Variants in CHLSN observed in about 807,000 individuals in gnomAD.
The protein encoded by CHLSN is cholesin, also known as protein cholesin.
chr7:1,136,174 A>G, the CHLSN span, among the ~76,000 whole-genome samples: 1 of 111,258 alleles, frequency 9.0e-6, no homozygotes, highest in Non-Finnish European at 1.6e-5. Context: ...ATATGTATAA[A>G]TATACATAAT....
the CHLSN span, among the ~76,000 whole-genome samples, chr7:1,095,441 C>G: frequency 3.3e-5 from 5 of 152,196 alleles, no homozygotes; most frequent in Non-Finnish European, 7.3e-5. Flanking sequence ...AAAAACCATC[C>G]AAGTCCCAGA....
the CHLSN span, among the ~76,000 whole-genome samples, chr7:1,084,394 A>G: frequency 2.0e-5 from 3 of 152,182 alleles, no homozygotes; most frequent in Admixed American, 6.5e-5. Context: ...ACTTCTCCGA[A>G]CCTCGGGCTG....
At chr7:1,046,432 G>A in the CHLSN span, among the ~76,000 whole-genome samples, 299 of 152,284 alleles carry the variant, frequency 2.0e-3, 1 homozygote, top group African/African-American at 6.6e-3. Flanking sequence ...CTGCTCTCCA[G>A]GGCTTTCACT....
chr7:1,019,390 T>C, the CHLSN span, among the ~76,000 whole-genome samples: 1 of 152,156 alleles, frequency 6.6e-6, no homozygotes, highest in East Asian at 1.9e-4. Flanking sequence ...TGCCAGGTTG[T>C]TGATCACCCA....
the CHLSN span, among the ~76,000 whole-genome samples, chr7:1,071,175 A>G: frequency 1.3e-5 from 2 of 152,238 alleles, no homozygotes; most frequent in Non-Finnish European, 2.9e-5. Flanking sequence ...AGCCACACTG[A>G]CATTTCTGGT....
the CHLSN span, among the ~76,000 whole-genome samples, chr7:1,032,834 G>C: frequency 2.4e-3 from 365 of 152,360 alleles, 1 homozygote; most frequent in Admixed American, 5.4e-3. Context: ...GGTACTGCAC[G>C]TATGTGGGCA....
the CHLSN span, among the ~76,000 whole-genome samples, chr7:1,001,669 GA>G: frequency 1.7e-4 from 17 of 102,982 alleles, no homozygotes; most frequent in South Asian, 7.1e-4. Context: ...TCCTGTGGGT[GA>G]GTGGAGTCCT....
the CHLSN span, among the ~76,000 whole-genome samples, chr7:990,597 CGCAGGGTCCCTAAGTCATGGGTGGGGCT>C: frequency 6.6e-6 from 1 of 152,170 alleles, no homozygotes; most frequent in Admixed American, 6.5e-5. Context: ...CAGGTGGGGC[CGCAGGGTCCCTAAGTCATGGGTGGGGCT>C]GCTGCTACGG....
chr7:1,070,884 GCA>G, the CHLSN span, among the ~76,000 whole-genome samples: 2,878 of 143,166 alleles, frequency 0.02, 96 homozygotes, highest in East Asian at 0.18. Context: ...ACGTGCACAT[GCA>G]CACACGTGCA....
the CHLSN span, among the ~76,000 whole-genome samples, chr7:1,053,781 C>A: frequency 6.6e-6 from 1 of 152,116 alleles, no homozygotes; most frequent in East Asian, 1.9e-4. Context: ...GAGCTGAGAT[C>A]GTGCCACTGC....
the CHLSN span, among the ~76,000 whole-genome samples, chr7:1,066,740 C>T: frequency 1.3e-5 from 2 of 152,264 alleles, no homozygotes; most frequent in African/African-American, 4.8e-5. Flanking sequence ...GCCTGAGCCT[C>T]CAGCCCGGCA....
At chr7:1,102,593 G>T in the CHLSN span, among the ~76,000 whole-genome samples, 1 of 150,130 alleles carries the variant, frequency 6.7e-6, no homozygotes, top group African/African-American at 2.5e-5. Flanking sequence ...TTTTTTTTCA[G>T]AGCAGGAGCG....
At chr7:1,022,707 G>A in the CHLSN span, among the ~76,000 whole-genome samples, 1 of 152,132 alleles carries the variant, frequency 6.6e-6, no homozygotes, top group South Asian at 2.1e-4. Context: ...CTCTTATTCT[G>A]CAAAATAAAC....
chr7:1,136,583 T>TAA, the CHLSN span, among the ~76,000 whole-genome samples: 1 of 133,720 alleles, frequency 7.5e-6, no homozygotes, highest in Admixed American at 7.5e-5. Flanking sequence ...TAAACATATA[T>TAA]AAACATATAT....
the CHLSN span, among the ~76,000 whole-genome samples, chr7:1,115,691 G>A: frequency 1.1e-4 from 13 of 122,608 alleles, no homozygotes; most frequent in South Asian, 8.4e-4. Flanking sequence ...CAACGCCCAC[G>A]CAGGATGACT....
chr7:1,138,009 GCACC>G, the CHLSN span: 2 of 150,164 alleles, frequency 1.3e-5, no homozygotes, highest in African/African-American at 2.4e-5. Context: ...CGCACCGGCC[GCACC>G]GGCCGCACCA....
At chr7:1,124,111 TC>T in the CHLSN span, among the ~76,000 whole-genome samples, 3 of 152,354 alleles carry the variant, frequency 2.0e-5, no homozygotes, top group African/African-American at 7.2e-5. Flanking sequence ...CTTTCTTCTT[TC>T]CCCTCTTGCT....
At chr7:1,115,547 AC>A in the CHLSN span, among the ~76,000 whole-genome samples, 75 of 143,786 alleles carry the variant, frequency 5.2e-4, no homozygotes, top group African/African-American at 1.7e-3. Context: ...TGACATCACT[AC>A]AGCTCTACGG....
At chr7:985,014 C>G in the CHLSN span, 3 of 1,611,810 alleles carry the variant, frequency 1.9e-6, no homozygotes, top group African/African-American at 4.0e-5. Flanking sequence ...GTGCCCTGCA[C>G]AGCCTGGGCG....
Sources: allele counts gnomAD v4.1 joint callset (sites outside exome capture counted in the v4.1 genomes callset), GRCh38; gene constraint gnomAD v4.1.1; transcripts MANE v1.5; gene names NCBI Gene and HGNC (gene_info 2026-07-23, HGNC 2026-07-21).